Variants in MICALL1 observed in about 807,000 individuals in gnomAD.
MICALL1 encodes the protein MICAL like 1, also known as MICAL-like protein 1.
Under a neutral mutation model 83.7 loss-of-function variants are expected in MICALL1, and 61 were observed. The ratio of observed to expected loss-of-function variants is 0.73; its 90% CI spans 0.59 to 0.90. MICALL1 has a LOEUF of 0.90. Among genes scored for constraint, MICALL1 ranks in the 40% least tolerant of loss-of-function variants. The pLI, the probability that MICALL1 is intolerant of heterozygous loss-of-function variation, is 0.00. For synonymous variants in MICALL1, 481 were observed against 473.6 expected, an observed-to-expected ratio of 1.02 and a Z score of -0.20; for missense variants, 1,066 against 1,152.0, an observed-to-expected ratio of 0.93 and a Z score of 1.08.
At chr22:37,927,272 G>A (rs1181106581) in intron 8 of MICALL1, 139 bp from the exon 9 acceptor site, 3 of 1,032,646 alleles carry the variant, frequency 2.9e-6, no homozygotes, top group Admixed American at 5.9e-5. Context: ...GCTGTTCCCT[G>A]GGCCTTGGCC....
intron 3 of MICALL1, among the ~76,000 whole-genome samples, chr22:37,914,951 T>C (rs1376110578): frequency 6.8e-6 from 1 of 146,210 alleles, no homozygotes; most frequent in Non-Finnish European, 1.5e-5. Context: ...CATAAATAAA[T>C]AACTTTAGGA....
intron 13 of MICALL1, among the ~76,000 whole-genome samples, chr22:37,934,896 C>CTATT (rs905641924): frequency 2.0e-5 from 3 of 147,862 alleles, no homozygotes; most frequent in Non-Finnish European, 3.0e-5. Flanking sequence ...GCGCCTGGCT[C>CTATT]TATTTATTTA....
In MICALL1 at chr22:37,937,096, G is replaced by A. The variant is rs143576141; in HGVS notation, c.2325G>A (p.Glu775=). The part of the protein sequence containing the change: ...LLNKPEKDWT[E]EDRAREKVLM... ...CCTGGGCAGAAAAGGACTGGACGGA[G>A]GAGGACCGGGCCCGGGAGAAGGTGC... is the stretch of plus-strand genomic sequence containing the variant. The change falls in exon 14 of 16, where the codon GAG becomes GAA. Residue 775 remains glutamate (E), a synonymous_variant. Transcript: ENST00000215957. The A allele has an allele frequency of 1.7e-3, 2,689 of 1,551,650 alleles. 42 individuals carry two copies. In the African/African-American group the frequency reaches 0.033, roughly 19 times the overall value.
chr22:37,920,689 AG>A (rs1928973244), intron 5 of MICALL1, among the ~76,000 whole-genome samples: 1 of 152,098 alleles, frequency 6.6e-6, no homozygotes, highest in Non-Finnish European at 1.5e-5. Context: ...TGGGAGGCCG[AG>A]GCGGGTGGAT....
chr22:37,917,557 G>T lies in MICALL1; in HGVS notation c.338-150G>T, dbSNP rs956851958. 4.7e-6 allele frequency: 3 copies of T among 637,184 alleles called. No homozygotes were observed. The South Asian group carries it at 5.6e-5, about 12-fold the overall frequency. The allele number at this position is 637,184 out of a possible 1,614,324, so 39.5% of individuals were successfully genotyped here. A position where few individuals can be genotyped will look rare whatever the true frequency, so the allele number is the denominator to read the frequency against. On this transcript the variant is annotated intron_variant, in intron 3 of 15. Coordinates refer to ENST00000215957, the MANE Select transcript of MICALL1 (RefSeq NM_033386.4). ...TAAAACTGGAAGCGTCCCCGGGCCCGTGTGAAGCGGGAGCCAGCTCCTGTC... is the reference window on the plus strand; with the variant it reads ...TAAAACTGGAAGCGTCCCCGGGCCCTTGTGAAGCGGGAGCCAGCTCCTGTC...
At position 37,925,892 on chromosome 22, in the gene MICALL1, T is replaced by C. The variant is rs754067923; in HGVS notation, c.1314T>C (p.Ala438=). The C allele has an allele frequency of 6.2e-7, 1 of 1,612,924 alleles. No individual in the cohort carries two copies. Among genetic ancestry groups the C allele is most frequent in the Non-Finnish European group, 8.5e-7 (1 of 1,179,532 alleles). ...EEEEEDKEEE[A]PAAPSLATSP... is the part of the protein sequence containing the mutation. ...AGGAGGAGGACAAGGAGGAAGAGGC[T>C]CCAGCTGCACCCAGCCTGGCCACCA... The change falls in exon 8 of 16, where the codon GCT becomes GCC. Residue 438 remains alanine (A), a synonymous_variant. Coordinates refer to ENST00000215957, the MANE Select transcript of MICALL1 (RefSeq NM_033386.4).
intron 9 of MICALL1, among the ~76,000 whole-genome samples, chr22:37,929,053 G>T (rs1035809975): frequency 6.6e-6 from 1 of 152,128 alleles, no homozygotes; most frequent in Non-Finnish European, 1.5e-5. Context: ...AACCTGGGAG[G>T]TGGAGGTTGT....
intron 13 of MICALL1, among the ~76,000 whole-genome samples, chr22:37,936,207 G>C (rs962147895): frequency 6.6e-6 from 1 of 152,164 alleles, no homozygotes; most frequent in Non-Finnish European, 1.5e-5. Flanking sequence ...AAGGAGGCAG[G>C]AGGGGCAGCA....
At position 37,925,705 on chromosome 22, in the gene MICALL1, A is replaced by C. The variant is rs769960056; in HGVS notation, c.1127A>C (p.Gln376Pro). Residue 376 changes from glutamine to proline, a missense_variant, in exon 8 of 16, where the codon CAG (glutamine) becomes CCG (proline). Physicochemically the swap from Gln to Pro is moderately conservative, Grantham distance 76. Transcript: ENST00000215957. ...GACCCCCCATGGATCACGCTGGTGCAGGCAGAACCAAAGAAGAAGCCAGCC... is the reference window on the plus strand; with the variant it reads ...GACCCCCCATGGATCACGCTGGTGCCGGCAGAACCAAAGAAGAAGCCAGCC... ...RKDPPWITLV[Q>P]AEPKKKPAPL... The C allele has an allele frequency of 6.2e-7, 1 of 1,607,120 alleles. No individual in the cohort carries two copies.
Position 37,906,816 on chromosome 22 carries a change from G to A in MICALL1, c.146+248G>A. The stretch of plus-strand genomic sequence containing the variant: ...ACTCTCCCCCGAGGCTGGTCCCTCC[G>A]CGGGGACACTGGCCCCGCCCACAAA... On this transcript the variant is annotated intron_variant, in intron 1 of 15. Coordinates refer to ENST00000215957, the MANE Select transcript of MICALL1 (RefSeq NM_033386.4). This position sits in a 1 kb window ranked among gnomAD's most constrained non-coding sequence, Gnocchi z 4.4. 5.1e-6 allele frequency: 1 copy of A among 195,142 alleles called. No individual in the cohort carries two copies. Among genetic ancestry groups the A allele is most frequent in the East Asian group, 1.4e-4 (1 of 7,386 alleles). 12.1% of individuals were successfully genotyped at this position (195,142 alleles called of 1,614,324 possible). A position where few individuals can be genotyped will look rare whatever the true frequency, so the allele number is the denominator to read the frequency against.
intron 13 of MICALL1, among the ~76,000 whole-genome samples, chr22:37,935,790 C>T (rs1206122079): frequency 2.0e-4 from 29 of 148,024 alleles, no homozygotes; most frequent in Admixed American, 4.1e-4. Context: ...AGTGCAGTGG[C>T]GTGATCTGAG....
At chr22:37,917,894 C>T in intron 4 of MICALL1, 99 bp downstream of exon 4, 1 of 1,074,558 alleles carries the variant, frequency 9.3e-7, no homozygotes, top group Non-Finnish European at 1.4e-6. Flanking sequence ...AGGAAGTTAG[C>T]CCTGACAGTG....
intron 8 of MICALL1, chr22:37,926,870 G>A (rs1249433813): frequency 6.4e-6 from 1 of 155,134 alleles, no homozygotes; most frequent in Non-Finnish European, 1.4e-5. Context: ...GAGCTCTGGA[G>A]TCAGATACAG....
Position 37,906,480 on chromosome 22 carries a change from C to T in MICALL1, c.58C>T (p.Arg20Cys). 1 of 1,249,298 alleles carries T rather than the reference C, an allele frequency of 8.0e-7. No individual in the cohort carries two copies. Among genetic ancestry groups the T allele is most frequent in the Non-Finnish European group, 1.0e-6 (1 of 985,806 alleles). The allele number at this position is 1,249,298 out of a possible 1,614,324, so 77.4% of individuals were successfully genotyped here. Residue 20 changes from arginine (R) to cysteine (C), a missense_variant, in exon 1 of 16, where the codon CGC becomes TGC. Transcript: ENST00000215957. The surrounding 1 kb of genome is among the most constrained non-coding windows in gnomAD (Gnocchi z 4.4). ...AWCRRQCEGYRGVEIRDLSSS... is the reference protein window; with the variant it reads ...AWCRRQCEGYCGVEIRDLSSS... ...GTGCCGCCGCCAGTGCGAGGGCTACCGCGGCGTGGAGATCCGCGACCTGAG... is the reference window on the plus strand; with the variant it reads ...GTGCCGCCGCCAGTGCGAGGGCTACTGCGGCGTGGAGATCCGCGACCTGAG...
At chr22:37,935,683 G>A (rs1383623018) in intron 13 of MICALL1, among the ~76,000 whole-genome samples, 1 of 151,630 alleles carries the variant, frequency 6.6e-6, no homozygotes. Flanking sequence ...CTCCCCAGTA[G>A]CTGGGATTAC....
intron 3 of MICALL1, among the ~76,000 whole-genome samples, chr22:37,915,297 G>T (rs1017637606): frequency 2.0e-5 from 3 of 152,046 alleles, no homozygotes; most frequent in Non-Finnish European, 4.4e-5. Flanking sequence ...GGCAAAAGCA[G>T]AAAAATTAAA....
At chr22:37,934,915 AT>A (rs1005060626) in intron 13 of MICALL1, among the ~76,000 whole-genome samples, 5 of 138,750 alleles carry the variant, frequency 3.6e-5, no homozygotes, top group Non-Finnish European at 6.2e-5. Context: ...TATTTATTTT[AT>A]TTTATTTATT....
At chr22:37,920,896 G>A (rs972430820) in intron 5 of MICALL1, among the ~76,000 whole-genome samples, 9 of 151,810 alleles carry the variant, frequency 5.9e-5, no homozygotes, top group Non-Finnish European at 1.0e-4. Flanking sequence ...ACTGCACTCC[G>A]GCCTGGGCGA....
chr22:37,908,600 C>T (rs1928116667), intron 1 of MICALL1, among the ~76,000 whole-genome samples: 1 of 151,906 alleles, frequency 6.6e-6, no homozygotes. Context: ...ATGCCTGGCC[C>T]AATAACAATG....
Sources: gnomAD v4.1 joint callset for allele counts (sites outside exome capture counted in the v4.1 genomes callset) on GRCh38, gnomAD v4.1.1 for gene constraint, Gnocchi (gnomAD v3.1) non-coding constraint, MANE v1.5 for transcripts, NCBI Gene and HGNC (gene_info 2026-07-23, HGNC 2026-07-21) for gene names.